ABI2: variants seen among roughly 807,000 people sequenced by gnomAD.
ABI2 encodes abl interactor 2.
Under a neutral mutation model 59.2 loss-of-function variants are expected in ABI2, and 25 were observed. The observed-to-expected ratio is 0.42, with a 90% confidence interval of 0.31 to 0.59. The LOEUF (loss-of-function observed/expected upper bound fraction) is 0.59. Among genes scored for constraint, ABI2 ranks in the 20% least tolerant of loss-of-function variants. The pLI, the probability that ABI2 is intolerant of heterozygous loss-of-function variation, is 0.14. For synonymous variants in ABI2, 213 were observed against 235.5 expected, an observed-to-expected ratio of 0.90 and a Z score of 0.87; for missense variants, 545 against 681.8, an observed-to-expected ratio of 0.80 and a Z score of 2.23.
chr2:203,418,292 G>C (rs1035709762), intron 11 of ABI2, among the ~76,000 whole-genome samples: 9 of 152,206 alleles, frequency 5.9e-5, no homozygotes, highest in African/African-American at 2.2e-4. Flanking sequence ...AAAATTTAGT[G>C]GCTTAAACAA....
chr2:203,376,012 A>G, intron 2 of ABI2: 1 of 1,356,382 alleles, frequency 7.4e-7, no homozygotes, highest in Non-Finnish European at 1.0e-6. Flanking sequence ...CTTTATTATT[A>G]TAGATGTTTT....
chr2:203,380,266 A>G lies in ABI2; in HGVS notation c.344A>G (p.Asn115Ser), dbSNP rs777608395. 64 of 1,602,550 alleles carry G rather than the reference A, an allele frequency of 4.0e-5. No homozygotes were observed. In the South Asian group the frequency reaches 6.3e-4, roughly 16 times the overall value. The part of the protein sequence containing the change: ...ARREIGILTT[N>S]KNTSRTHKII... ...AGAGAAATTGGTATTTTGACTACCA[A>G]TAAAAACACTTCAAGGACACATAAG... The change falls in exon 3 of 12, where the codon AAT becomes AGT. Residue 115 changes from asparagine (N) to serine (S), a missense_variant. Physicochemically the swap from Asn to Ser is conservative, Grantham distance 46. This residue lies in a region of ABI2 where 36 missense variants were observed against 80.0 expected (regional missense o/e 0.45). Coordinates refer to ENST00000261018, the MANE Select transcript of ABI2 (RefSeq NM_001375670.1).
chr2:203,378,258 A>G (rs11687758), intron 2 of ABI2, among the ~76,000 whole-genome samples: 68,690 of 151,540 alleles, frequency 0.45, 17,419 homozygotes, highest in Middle Eastern at 0.69. Context: ...GACTACAGGC[A>G]CCCGCCACCA....
chr2:203,364,947 TGGTCTTGAACTCC>T (rs1490959545), intron 1 of ABI2, among the ~76,000 whole-genome samples: 1 of 152,072 alleles, frequency 6.6e-6, no homozygotes, highest in Non-Finnish European at 1.5e-5. Context: ...TTGCCCAGGC[TGGTCTTGAACTCC>T]TGTCTTTAAG....
intron 9 of ABI2, among the ~76,000 whole-genome samples, chr2:203,408,416 G>A (rs1373381555): frequency 6.6e-6 from 1 of 151,106 alleles, no homozygotes; most frequent in Non-Finnish European, 1.5e-5. Context: ...GCCCCCCTCG[G>A]CCTTCCAAAG....
At chr2:203,361,636 T>A (rs1283556112) in intron 1 of ABI2, among the ~76,000 whole-genome samples, 1 of 152,188 alleles carries the variant, frequency 6.6e-6, no homozygotes, top group Admixed American at 6.5e-5. Context: ...AGGCAGAGCC[T>A]GTTGTGTTGC....
At chr2:203,363,308 A>G (rs987952928) in intron 1 of ABI2, among the ~76,000 whole-genome samples, 3 of 152,194 alleles carry the variant, frequency 2.0e-5, no homozygotes, top group African/African-American at 7.2e-5. Flanking sequence ...TAAACAATCC[A>G]ACTATACTCT....
chr2:203,355,796 A>G (rs1240620762), intron 1 of ABI2, among the ~76,000 whole-genome samples: 1 of 140,970 alleles, frequency 7.1e-6, no homozygotes, highest in South Asian at 2.3e-4. Context: ...ACGCCATTGC[A>G]CTCCAGCCTG....
intron 11 of ABI2, among the ~76,000 whole-genome samples, chr2:203,420,802 A>G (rs1246782610): frequency 6.6e-6 from 1 of 152,158 alleles, no homozygotes; most frequent in African/African-American, 2.4e-5. Context: ...GGGAATTCCT[A>G]GAAAGCTTCT....
rs1241975463 is a variant in ABI2, at chr2:203,403,091, A to G, written c.1192+357A>G. 2.0e-5 allele frequency among the ~76,000 whole-genome samples: 3 copies of G among 152,374 alleles called. No individual in the cohort carries two copies. The East Asian group carries it at 5.8e-4, about 29-fold the overall frequency. ...AATAATGAAAGTTGTGTGCACATGA[A>G]CAGAATTTAGAAGTGGCAAAGGAAA... On this transcript the variant is annotated intron_variant, in intron 9 of 11. Transcript: ENST00000261018.
At chr2:203,328,714 TCGGGGACACGGCCCAGC>T in intron 1 of ABI2, 83 bp downstream of exon 1, 1 of 879,148 alleles carries the variant, frequency 1.1e-6, no homozygotes, top group Non-Finnish European at 1.6e-6. Flanking sequence ...CGAGGCCGCC[TCGGGGACACGGCCCAGC>T]GGAGCCCCCG....
intron 10 of ABI2, among the ~76,000 whole-genome samples, chr2:203,414,101 CT>C (rs539839995): frequency 0.049 from 6,198 of 126,586 alleles, 343 homozygotes; most frequent in African/African-American, 0.16. Context: ...CTTGCATTGT[CT>C]TTTTTTTTTT....
Position 203,392,314 on chromosome 2 carries a change from C to CCACCACCAACAA in ABI2, c.578+1173_578+1174insCCACCAACAACA, listed in dbSNP as rs1316028754. Among the ~76,000 whole-genome samples, 3 of 123,326 alleles carry CCACCACCAACAA rather than the reference C, an allele frequency of 2.4e-5. No homozygotes were observed. The East Asian group carries it at 6.6e-4, about 27-fold the overall frequency. The allele number at this position is 123,326 out of a possible 152,430, so 80.9% of individuals were successfully genotyped here. ...ACCACCACCACCACCACCACCACCA[C>CCACCACCAACAA]CAACAACAACAACAACAACAACAAC... is the stretch of plus-strand genomic sequence containing the variant. On this transcript the variant is annotated intron_variant, in intron 5 of 11. Transcript: ENST00000261018.
chr2:203,345,698 C>T (rs761027989), intron 1 of ABI2, among the ~76,000 whole-genome samples: 1 of 151,130 alleles, frequency 6.6e-6, no homozygotes, highest in South Asian at 2.1e-4. Flanking sequence ...CCTGAGCCAC[C>T]ACGCCCAGCC....
At chr2:203,406,766 C>T (rs560477219) in intron 9 of ABI2, among the ~76,000 whole-genome samples, 6 of 152,060 alleles carry the variant, frequency 3.9e-5, no homozygotes, top group African/African-American at 1.2e-4. Flanking sequence ...TGGGTTCAAG[C>T]GATTCTCCTG....
At chr2:203,358,115 T>TGTGTGTGTGTGTGTGTG (rs57591649) in intron 1 of ABI2, among the ~76,000 whole-genome samples, 18 of 63,430 alleles carry the variant, frequency 2.8e-4, no homozygotes, top group Non-Finnish European at 6.1e-4. Flanking sequence ...GTGTGTGTGT[T>TGTGTGTGTGTGTGTGTG]TGTTTGTTTG....
chr2:203,425,176 T>G (rs1267047439), intron 11 of ABI2, among the ~76,000 whole-genome samples: 1 of 152,090 alleles, frequency 6.6e-6, no homozygotes, highest in Admixed American at 6.5e-5. Flanking sequence ...TACAACAGGC[T>G]TCATATTCTC....
At chr2:203,416,842 G>A (rs2097913217) in intron 10 of ABI2, 66 bp from the exon 11 acceptor site, 5 of 1,451,240 alleles carry the variant, frequency 3.4e-6, no homozygotes, top group Admixed American at 2.3e-5. Flanking sequence ...GAACCCAGAA[G>A]CTTGGATAGG....
At chr2:203,370,689 A>C (rs2095087948) in intron 2 of ABI2, among the ~76,000 whole-genome samples, 1 of 152,178 alleles carries the variant, frequency 6.6e-6, no homozygotes, top group Non-Finnish European at 1.5e-5. Flanking sequence ...GGGGTTCTTG[A>C]GACCAGATTT....
Sources: allele counts gnomAD v4.1 joint callset (sites outside exome capture counted in the v4.1 genomes callset), GRCh38; gene constraint gnomAD v4.1.1; regional missense constraint gnomAD v4.1.1; transcripts MANE v1.5; gene names NCBI Gene and HGNC (gene_info 2026-07-23, HGNC 2026-07-21).